The following CASR variants were observed in gnomAD, a reference collection of about 807,000 sequenced individuals.
CASR encodes the protein extracellular calcium-sensing receptor.
Under a neutral mutation model 69.1 loss-of-function variants are expected in CASR, and 23 were observed. That is an observed-to-expected ratio of 0.33 (90% CI 0.24 to 0.47). The LOEUF is 0.47. Among genes scored for constraint, CASR ranks in the 20% least tolerant of loss-of-function variants. CASR has a pLI of 1.00. For synonymous variants in CASR, 541 were observed against 544.7 expected, an observed-to-expected ratio of 0.99 and a Z score of 0.10; for missense variants, 924 against 1,356.1, an observed-to-expected ratio of 0.68 and a Z score of 5.00.
At chr3:122,221,538 C>A in intron 1 of CASR, among the ~76,000 whole-genome samples, 1 of 152,166 alleles carries the variant, frequency 6.6e-6, no homozygotes, top group Non-Finnish European at 1.5e-5. Flanking sequence ...AGAGGCTCTA[C>A]TTCTGCAATT....
intron 1 of CASR, among the ~76,000 whole-genome samples, chr3:122,192,139 A>G (rs1229841307): frequency 6.6e-6 from 1 of 152,264 alleles, no homozygotes; most frequent in Non-Finnish European, 1.5e-5. Context: ...ATAATAAGGG[A>G]ATGGTTAAAT....
intron 2 of CASR, 47 bp downstream of exon 2, chr3:122,254,421 T>C: frequency 6.3e-7 from 1 of 1,577,412 alleles, no homozygotes; most frequent in Non-Finnish European, 8.7e-7. Context: ...TCTGAGTGGT[T>C]GGAGAAAAGC....
chr3:122,202,454 C>CGTGG (rs1373122615), intron 1 of CASR, among the ~76,000 whole-genome samples: 80 of 149,774 alleles, frequency 5.3e-4, no homozygotes, highest in Non-Finnish European at 9.4e-4. Context: ...AGAGGGAGAC[C>CGTGG]ATGGGGAGAG....
chr3:122,217,156 A>C (rs930801227), intron 1 of CASR, among the ~76,000 whole-genome samples: 10 of 150,894 alleles, frequency 6.6e-5, no homozygotes, highest in Middle Eastern at 3.4e-3. Context: ...CCCATGCAGG[A>C]GTGCAGCGAC....
intron 1 of CASR, among the ~76,000 whole-genome samples, chr3:122,217,959 T>C (rs1193720236): frequency 6.6e-6 from 1 of 151,742 alleles, no homozygotes; most frequent in Non-Finnish European, 1.5e-5. Context: ...GAAAATGAGG[T>C]TGGGGGTTGT....
intron 1 of CASR, among the ~76,000 whole-genome samples, chr3:122,250,211 A>G (rs572047542): frequency 1.3e-3 from 195 of 152,220 alleles, no homozygotes; most frequent in African/African-American, 4.6e-3. Context: ...GTTGGAGGAC[A>G]GGGAGATGGA....
At position 122,257,988 on chromosome 3, in the gene CASR, G is replaced by A. The variant is rs1440699143; in HGVS notation, c.492+601G>A. Among the ~76,000 whole-genome samples the A allele has an allele frequency of 2.0e-5, 3 of 152,168 alleles. No individual in the cohort carries two copies. In the South Asian group the frequency reaches 6.2e-4, roughly 31 times the overall value. ...TTAGCCTAGGTGGAGAGATGGTTGCGTTTCCATTTACTAACAGTTTATTGA... is the reference window on the plus strand; with the variant it reads ...TTAGCCTAGGTGGAGAGATGGTTGCATTTCCATTTACTAACAGTTTATTGA... On this transcript the variant is annotated intron_variant, in intron 3 of 6. Transcript: ENST00000639785.
chr3:122,260,605 G>A (rs939652243), intron 3 of CASR, among the ~76,000 whole-genome samples: 4 of 152,074 alleles, frequency 2.6e-5, no homozygotes, highest in African/African-American at 9.7e-5. Flanking sequence ...TGAGTTAATG[G>A]GTGCAGCACA....
chr3:122,265,326 C>T (rs1432253096), intron 4 of CASR, among the ~76,000 whole-genome samples: 3 of 152,094 alleles, frequency 2.0e-5, no homozygotes, highest in African/African-American at 7.2e-5. Context: ...TATCAGTCAA[C>T]TCATATGCCT....
chr3:122,206,199 G>T (rs1041214568), intron 1 of CASR, among the ~76,000 whole-genome samples: 19 of 151,658 alleles, frequency 1.3e-4, no homozygotes, highest in African/African-American at 4.6e-4. Flanking sequence ...ATGATGTTAG[G>T]TGTGGCTTTG....
In CASR at chr3:122,254,288, C is replaced by T. The variant is rs387907398; in HGVS notation, c.99C>T (p.Ile33=). The change falls in exon 2 of 7, where the codon ATC becomes ATT. Residue 33 remains isoleucine, a synonymous_variant. Transcript: ENST00000639785. ...DQRAQKKGDI[I]LGGLFPIHFG... Reference sequence around the variant, plus strand: ...GAGCCCAAAAGAAGGGGGACATTATCCTTGGGGGGCTCTTTCCTATTCATT... The same window carrying T: ...GAGCCCAAAAGAAGGGGGACATTATTCTTGGGGGGCTCTTTCCTATTCATT... 8 of 1,614,120 alleles carry T rather than the reference C, an allele frequency of 5.0e-6. No individual in the cohort carries two copies. The highest frequency in any genetic ancestry group is 5.9e-6 in the Non-Finnish European group (7 of 1,180,022).
At chr3:122,200,526 A>T (rs1366706692) in intron 1 of CASR, among the ~76,000 whole-genome samples, 1 of 152,150 alleles carries the variant, frequency 6.6e-6, no homozygotes. Flanking sequence ...TAAAAAATGT[A>T]TTATATTCGT....
rs759027000 is a variant in CASR at position 122,284,917 on chromosome 3, C to T, written c.2963C>T (p.Ala988Val). The T allele has an allele frequency of 3.1e-6, 5 of 1,614,154 alleles. No individual in the cohort carries two copies. Among genetic ancestry groups the T allele is most frequent in the East Asian group, 2.2e-5 (1 of 44,880 alleles). Residue 988 changes from alanine to valine, a missense_variant, in exon 7 of 7, where the codon GCC becomes GTC. By Grantham distance (64) the Ala-to-Val change is moderately conservative (BLOSUM62 0). This residue lies in a region of CASR where 201 missense variants were observed against 228.8 expected (regional missense o/e 0.88). Transcript: ENST00000639785. Reference sequence around the variant, plus strand: ...GATGAGCCTCAGAAGAACGCCATGGCCCACAGGAATTCTACGCACCAGAAC... The same window carrying T: ...GATGAGCCTCAGAAGAACGCCATGGTCCACAGGAATTCTACGCACCAGAAC... ...SFDEPQKNAMAHRNSTHQNSL... is the reference protein window; with the variant it reads ...SFDEPQKNAMVHRNSTHQNSL...
At chr3:122,253,651 A>T (rs141055880) in intron 1 of CASR, among the ~76,000 whole-genome samples, 19 of 152,382 alleles carry the variant, frequency 1.2e-4, no homozygotes, top group African/African-American at 4.3e-4. Context: ...CCTCATTCAC[A>T]CAGGAAAATG....
chr3:122,282,358 G>T, intron 6 of CASR, 122 bp downstream of exon 6: 6 of 950,970 alleles, frequency 6.3e-6, no homozygotes, highest in East Asian at 2.4e-5. Flanking sequence ...TTTAACAAAG[G>T]TATATCTGAG....
chr3:122,205,723 T>C (rs1221807402), intron 1 of CASR, among the ~76,000 whole-genome samples: 1 of 152,080 alleles, frequency 6.6e-6, no homozygotes, highest in Non-Finnish European at 1.5e-5. Flanking sequence ...TCATTTTTTG[T>C]GTGTGTCCTC....
intron 3 of CASR, among the ~76,000 whole-genome samples, chr3:122,259,919 G>C (rs1317198210): frequency 6.6e-6 from 1 of 152,142 alleles, no homozygotes; most frequent in Non-Finnish European, 1.5e-5. Context: ...TATTAAAAAG[G>C]CATTCTCCCA....
At chr3:122,198,003 C>CT (rs1237555732) in intron 1 of CASR, among the ~76,000 whole-genome samples, 2 of 152,340 alleles carry the variant, frequency 1.3e-5, no homozygotes, top group Non-Finnish European at 2.9e-5. Flanking sequence ...TCTCACCACT[C>CT]TGACTTCTCA....
rs369288235 is a variant in CASR at position 122,189,206 on chromosome 3, C to T, written c.-243+5394C>T. Among the ~76,000 whole-genome samples the T allele has an allele frequency of 6.6e-5, 10 of 152,354 alleles. No homozygotes were observed. The East Asian group carries it at 1.5e-3, about 24-fold the overall frequency. ...AGGTGGGCTTTCTATCTCTGACCTTCAGCATGACATTAACCTAGCTGAGCC... is the reference window on the plus strand; with the variant it reads ...AGGTGGGCTTTCTATCTCTGACCTTTAGCATGACATTAACCTAGCTGAGCC... On this transcript the variant is annotated intron_variant, in intron 1 of 6. Transcript: ENST00000639785.
Sources: gnomAD v4.1 joint callset for allele counts (sites outside exome capture counted in the v4.1 genomes callset) on GRCh38, gnomAD v4.1.1 for gene constraint, gnomAD v4.1.1 regional missense constraint, MANE v1.5 for transcripts, NCBI Gene and HGNC (gene_info 2026-07-23, HGNC 2026-07-21) for gene names.